Variants in AMN1 observed in about 807,000 individuals in gnomAD.
AMN1 encodes the protein antagonist of mitotic exit network 1 homolog, also known as protein AMN1 homolog.
A neutral mutation model predicts 33.0 loss-of-function variants in AMN1; 20 were observed. The observed-to-expected ratio is 0.61, with a 90% confidence interval of 0.43 to 0.88. AMN1 has a LOEUF of 0.88. Ranked by LOEUF, AMN1 falls within the 40% of genes least tolerant of loss-of-function variation. AMN1 has a pLI of 0.00. For missense variants in AMN1, 246 were observed against 307.4 expected, an observed-to-expected ratio of 0.80 and a Z score of 1.49; for synonymous variants, 114 against 111.9, an observed-to-expected ratio of 1.02 and a Z score of -0.12.
At chr12:31,700,354 C>T (rs1016592703) in intron 3 of AMN1, among the ~76,000 whole-genome samples, 1 of 151,920 alleles carries the variant, frequency 6.6e-6, no homozygotes, top group Non-Finnish European at 1.5e-5. Flanking sequence ...CAGATCAAGA[C>T]ACTGTCTTAA....
chr12:31,676,554 C>A lies in AMN1; in HGVS notation c.704-4177G>T, dbSNP rs995331614. Among the ~76,000 whole-genome samples the A allele has an allele frequency of 2.0e-5, 3 of 151,210 alleles. 1 individual carries two copies. The highest frequency in any genetic ancestry group is 6.6e-5 in the Admixed American group (1 of 15,238). The stretch of plus-strand genomic sequence containing the variant: ...AGCCAGGATGGTCTCGATCTCCTGA[C>A]CTCGTGATCTGCCCGCCTTGGCCTC... On this transcript the variant is annotated intron_variant, in intron 6 of 6. Transcript: ENST00000281471.
chr12:31,711,567 C>T (rs1474903005), intron 1 of AMN1, among the ~76,000 whole-genome samples: 1 of 152,136 alleles, frequency 6.6e-6, no homozygotes, highest in Non-Finnish European at 1.5e-5. Flanking sequence ...TATCCTTTGC[C>T]TGTTTTGTTA....
chr12:31,693,861 A>G (rs1199737699), intron 5 of AMN1, among the ~76,000 whole-genome samples: 1 of 151,692 alleles, frequency 6.6e-6, no homozygotes, highest in Non-Finnish European at 1.5e-5. Flanking sequence ...CATAGAGACA[A>G]GGTTTCACTG....
At position 31,715,514 on chromosome 12, in the gene AMN1, T is replaced by G. The variant is rs545043980; in HGVS notation, c.39-6089A>C. ...TTCTCTTCTGCTATTTCACTGAAGC[T>G]GTTCTTTTATTGATTTCTGAAGCAC... On this transcript the variant is annotated intron_variant, in intron 1 of 6. Transcript: ENST00000281471. The G allele has an allele frequency of 1.2e-4, 21 of 174,040 alleles. No individual in the cohort carries two copies. The South Asian group carries it at 2.5e-3, about 21-fold the overall frequency. 10.8% of individuals were successfully genotyped at this position (174,040 alleles called of 1,614,324 possible).
chr12:31,722,129 T>TCACACACACACA (rs1338783051), intron 1 of AMN1, among the ~76,000 whole-genome samples: 2 of 94,132 alleles, frequency 2.1e-5, no homozygotes, highest in African/African-American at 8.6e-5. Flanking sequence ...ATCAGGCCTT[T>TCACACACACACA]GACACACACA....
rs552134625 is a variant in AMN1, at chr12:31,687,311, AAAGAG to A, written c.703+1691_703+1695del. On this transcript the variant is annotated intron_variant, in intron 6 of 6. Coordinates refer to ENST00000281471, the MANE Select transcript of AMN1 (RefSeq NM_001113402.2). The surrounding 1 kb of genome is among the most constrained non-coding windows in gnomAD (Gnocchi z 4.1). ...TTAAGGCTGGCAACCTAAAAATAAA[AAAGAG>A]AAGTTGTCAAAGGGACTTCCTAAAA... Among the ~76,000 whole-genome samples the A allele has an allele frequency of 4.2e-4, 64 of 152,338 alleles. 1 individual carries two copies. The highest frequency in any genetic ancestry group is 1.4e-3 in the African/African-American group (58 of 41,570).
intron 6 of AMN1, among the ~76,000 whole-genome samples, chr12:31,686,417 C>A (rs1277377755): frequency 6.6e-6 from 1 of 152,096 alleles, no homozygotes; most frequent in African/African-American, 2.4e-5. Context: ...TGCACTCCAG[C>A]CTGGGTGACA....
intron 1 of AMN1, among the ~76,000 whole-genome samples, chr12:31,710,874 T>C (rs1939439976): frequency 1.3e-5 from 2 of 152,194 alleles, no homozygotes; most frequent in African/African-American, 4.8e-5. Flanking sequence ...AGAAAGCTCC[T>C]TTCCCTCTAC....
chr12:31,697,072 A>C (rs1188211319), intron 5 of AMN1, among the ~76,000 whole-genome samples: 4 of 152,192 alleles, frequency 2.6e-5, no homozygotes, highest in Admixed American at 1.3e-4. Context: ...ACTGATAAAC[A>C]TTCATAATCT....
chr12:31,717,351 T>A (rs1939716050), intron 1 of AMN1, among the ~76,000 whole-genome samples: 1 of 152,264 alleles, frequency 6.6e-6, no homozygotes, highest in Non-Finnish European at 1.5e-5. Context: ...CTATCACTGA[T>A]GAGCATTTGA....
intron 5 of AMN1, among the ~76,000 whole-genome samples, chr12:31,695,523 T>G (rs1473206632): frequency 2.0e-5 from 3 of 150,728 alleles, no homozygotes; most frequent in Admixed American, 6.7e-5. Context: ...TCGCTCTTGT[T>G]GCCCAGGCTG....
At chr12:31,719,234 G>C (rs962264184) in intron 1 of AMN1, 1 of 429,058 alleles carries the variant, frequency 2.3e-6, no homozygotes, top group South Asian at 9.8e-5. Flanking sequence ...TGGAAATGCA[G>C]AAATCGCCCA....
At chr12:31,697,626 G>T in intron 4 of AMN1, 114 bp downstream of exon 4, 2 of 1,185,622 alleles carry the variant, frequency 1.7e-6, no homozygotes, top group Non-Finnish European at 2.4e-6. Context: ...AGCATGAAGT[G>T]GTCAATAGTT....
chr12:31,675,411 C>T (rs1158458465), intron 6 of AMN1, among the ~76,000 whole-genome samples: 3 of 151,818 alleles, frequency 2.0e-5, no homozygotes, highest in Middle Eastern at 3.4e-3. Context: ...CAGAGCAAGA[C>T]CCTGTCTCAA....
chr12:31,696,753 C>T (rs2139685322), intron 5 of AMN1, among the ~76,000 whole-genome samples: 1 of 151,792 alleles, frequency 6.6e-6, no homozygotes, highest in Middle Eastern at 3.4e-3. Context: ...ACGGTGAAAC[C>T]CCGTCTCTAC....
intron 6 of AMN1, among the ~76,000 whole-genome samples, chr12:31,681,769 G>A (rs566296988): frequency 2.8e-4 from 43 of 152,186 alleles, no homozygotes; most frequent in African/African-American, 1.0e-3. Context: ...AAACCCCTGG[G>A]GCCTCAAGCG....
intron 1 of AMN1, among the ~76,000 whole-genome samples, chr12:31,710,740 C>T (rs1435474572): frequency 1.3e-5 from 2 of 152,184 alleles, no homozygotes; most frequent in Admixed American, 6.5e-5. Flanking sequence ...CATCATATTT[C>T]ACAGTACGGA....
rs115930461 is a variant in AMN1 at position 31,680,943 on chromosome 12, T to A, written c.703+8064A>T. Among the ~76,000 whole-genome samples the A allele has an allele frequency of 9.7e-3, 1,476 of 152,270 alleles. 20 individuals carry two copies. Among genetic ancestry groups the A allele is most frequent in the African/African-American group, 0.034 (1,397 of 41,568 alleles). On this transcript the variant is annotated intron_variant, in intron 6 of 6. Coordinates refer to ENST00000281471, the MANE Select transcript of AMN1 (RefSeq NM_001113402.2). ...CCCCCACAAACACAACCAGCATTTA[T>A]CTTCCTTGGAAAAAGAAGAAATTAA...
intron 5 of AMN1, among the ~76,000 whole-genome samples, chr12:31,692,593 A>T (rs898051507): frequency 6.6e-6 from 1 of 152,272 alleles, no homozygotes; most frequent in Non-Finnish European, 1.5e-5. Context: ...TGTTAAAAAA[A>T]TATTCATACC....
Sources: gnomAD v4.1 joint callset for allele counts (sites outside exome capture counted in the v4.1 genomes callset) on GRCh38, gnomAD v4.1.1 for gene constraint, Gnocchi (gnomAD v3.1) non-coding constraint, MANE v1.5 for transcripts, NCBI Gene and HGNC (gene_info 2026-07-23, HGNC 2026-07-21) for gene names.